FAM169A: variants seen among roughly 807,000 people sequenced by gnomAD.
The protein encoded by FAM169A is soluble lamin-associated protein of 75 kDa.
Under a neutral mutation model 75.7 loss-of-function variants are expected in FAM169A, and 24 were observed. That is an observed-to-expected ratio of 0.32 (90% CI 0.23 to 0.45). The LOEUF (loss-of-function observed/expected upper bound fraction) is 0.45, where lower values mean the gene tolerates loss of function less well. FAM169A is among the 20% of genes least tolerant of loss of function. FAM169A has a pLI of 1.00. For synonymous variants in FAM169A, 271 were observed against 271.0 expected (o/e 1.00, Z 0.00); for missense variants, 673 against 784.0 (o/e 0.86, Z 1.69).
chr5:74,790,576 C>G (rs760575067), intron 11 of FAM169A, among the ~76,000 whole-genome samples: 3 of 152,146 alleles, frequency 2.0e-5, no homozygotes, highest in Non-Finnish European at 2.9e-5. Flanking sequence ...GTGACCTGAG[C>G]AGAGGAGGAT....
At chr5:74,860,646 T>G (rs951235568) in intron 1 of FAM169A, among the ~76,000 whole-genome samples, 1 of 151,940 alleles carries the variant, frequency 6.6e-6, no homozygotes, top group Non-Finnish European at 1.5e-5. Flanking sequence ...GTGTATATAT[T>G]TGGTAAATGG....
At chr5:74,819,815 T>C (rs1747679202) in intron 5 of FAM169A, among the ~76,000 whole-genome samples, 1 of 152,120 alleles carries the variant, frequency 6.6e-6, no homozygotes, top group Non-Finnish European at 1.5e-5. Flanking sequence ...AAGTCACATA[T>C]TATTCATATA....
rs1209446251 is a variant in FAM169A, at chr5:74,783,143, T to C, written c.1261-9A>G. ...GGCTCTAATTCAGATTCCTACACCA[T>C]GAGGAGAGAGGGAAAAAGTAAGGAC... is the stretch of plus-strand genomic sequence containing the variant. On this transcript the variant is annotated splice_polypyrimidine_tract_variant and intron_variant, in intron 11 of 12. Coordinates refer to ENST00000687041, the MANE Select transcript of FAM169A (RefSeq NM_001376049.1). The C allele has an allele frequency of 6.3e-7, 1 of 1,593,102 alleles. No individual in the cohort carries two copies. Among genetic ancestry groups the C allele is most frequent in the Admixed American group, 1.7e-5 (1 of 58,060 alleles).
chr5:74,837,006 T>G (rs750549212), intron 4 of FAM169A, among the ~76,000 whole-genome samples: 1 of 151,842 alleles, frequency 6.6e-6, no homozygotes. Context: ...AGAGTCCACA[T>G]AGTTGTAGTC....
intron 11 of FAM169A, among the ~76,000 whole-genome samples, chr5:74,793,044 A>G (rs1474168545): frequency 1.3e-5 from 2 of 152,230 alleles, no homozygotes; most frequent in Non-Finnish European, 2.9e-5. Flanking sequence ...TGGTATATAT[A>G]GGCCAGGCAC....
intron 10 of FAM169A, 92 bp from the exon 11 acceptor site, chr5:74,796,278 TCA>T: frequency 8.6e-7 from 1 of 1,160,158 alleles, no homozygotes; most frequent in South Asian, 1.6e-5. Flanking sequence ...TTTTAGAGAA[TCA>T]ACTATGTTGT....
rs1745232652 is a variant in FAM169A, at chr5:74,778,454, G to C, written c.*3006C>G. 6.6e-6 allele frequency: 1 copy of C among 151,996 alleles called. No homozygotes were observed. The highest frequency in any genetic ancestry group is 2.4e-5 in the African/African-American group (1 of 41,428). 9.4% of individuals were successfully genotyped at this position (151,996 alleles called of 1,614,324 possible). A position where few individuals can be genotyped will look rare whatever the true frequency, so the allele number is the denominator to read the frequency against. On this transcript the variant is annotated 3_prime_UTR_variant, in exon 13 of 13. Transcript: ENST00000687041. Reference sequence around the variant, plus strand: ...GATTTCTAGTCACTGAAACCCCATTGTAGGTAGTGTTCTGGAGTCTGCTAT... The same window carrying C: ...GATTTCTAGTCACTGAAACCCCATTCTAGGTAGTGTTCTGGAGTCTGCTAT...
Position 74,866,340 on chromosome 5 carries a change from T to C in FAM169A, c.-179A>G. The C allele has an allele frequency of 8.1e-6, 8 of 984,174 alleles. No individual in the cohort carries two copies. Among genetic ancestry groups the C allele is most frequent in the Middle Eastern group, 5.2e-4 (1 of 1,912 alleles). The allele number at this position is 984,174 out of a possible 1,614,324, so 61.0% of individuals were successfully genotyped here. A position where few individuals can be genotyped will look rare whatever the true frequency, so the allele number is the denominator to read the frequency against. On this transcript the variant is annotated 5_prime_UTR_variant, in exon 1 of 13. Coordinates refer to ENST00000687041, the MANE Select transcript of FAM169A (RefSeq NM_001376049.1). Reference sequence around the variant, plus strand: ...CTCGCCCCGGACGCCCGGCTCCTCGTCGCGGGTCGGCCGCGGCCCACCGTG... The same window carrying C: ...CTCGCCCCGGACGCCCGGCTCCTCGCCGCGGGTCGGCCGCGGCCCACCGTG...
intron 5 of FAM169A, among the ~76,000 whole-genome samples, chr5:74,814,680 A>G (rs1281193032): frequency 6.6e-6 from 1 of 152,154 alleles, no homozygotes; most frequent in African/African-American, 2.4e-5. Context: ...AAAAATTTGT[A>G]GTTTCTATAT....
chr5:74,782,996 A>C lies in FAM169A; in HGVS notation c.1399T>G (p.Ser467Ala), dbSNP rs1745488967. Residue 467 changes from serine to alanine, a missense_variant, in exon 12 of 13, where the codon TCT (serine) becomes GCT (alanine). Ser to Ala is a moderately conservative substitution (Grantham distance 99). This residue lies in a region of FAM169A where 510 missense variants were observed against 550.9 expected (regional missense o/e 0.93). Coordinates refer to ENST00000687041, the MANE Select transcript of FAM169A (RefSeq NM_001376049.1). Reference sequence around the variant, plus strand: ...ACCACCAGTGGAACAAGATTTGTAGAGTCTTCACTGGAATTAAAAGGCTGC... The same window carrying C: ...ACCACCAGTGGAACAAGATTTGTAGCGTCTTCACTGGAATTAAAAGGCTGC... ...KLQPFNSSED[S>A]TNLVPLVVES... 5 of 1,614,082 alleles carry C rather than the reference A, an allele frequency of 3.1e-6. No individual in the cohort carries two copies. The highest frequency in any genetic ancestry group is 1.7e-6 in the Non-Finnish European group (2 of 1,179,958).
chr5:74,843,738 A>T (rs372306327), intron 1 of FAM169A, among the ~76,000 whole-genome samples: 1 of 152,262 alleles, frequency 6.6e-6, no homozygotes, highest in Non-Finnish European at 1.5e-5. Context: ...ACACTGTTGC[A>T]TCTATCAGTT....
At chr5:74,852,467 CTAAA>C (rs1255395880) in intron 1 of FAM169A, among the ~76,000 whole-genome samples, 4 of 152,006 alleles carry the variant, frequency 2.6e-5, no homozygotes, top group South Asian at 2.1e-4. Flanking sequence ...AGCATATTTA[CTAAA>C]TAAATGAATG....
chr5:74,866,410 T>A, upstream of FAM169A: 1 of 977,004 alleles, frequency 1.0e-6, no homozygotes, highest in Non-Finnish European at 1.2e-6. Flanking sequence ...CCTCCAGCCT[T>A]CGCTTCCGCT....
intron 3 of FAM169A, among the ~76,000 whole-genome samples, chr5:74,839,716 G>T (rs1230967053): frequency 6.6e-6 from 1 of 151,716 alleles, no homozygotes; most frequent in Admixed American, 6.6e-5. Flanking sequence ...TAGAGACAGG[G>T]TTTCACCATG....
chr5:74,799,195 G>A lies in FAM169A; in HGVS notation c.1103+1685C>T, dbSNP rs76334782. Reference sequence around the variant, plus strand: ...CTGGGCTCCCAAGCATGACCACATCGTCACTTGTGGGGCAGACCACAATGC... The same window carrying A: ...CTGGGCTCCCAAGCATGACCACATCATCACTTGTGGGGCAGACCACAATGC... On this transcript the variant is annotated intron_variant, in intron 10 of 12. Transcript: ENST00000687041. 3.9e-3 allele frequency: 4,834 copies of A among 1,226,600 alleles called. 13 individuals carry two copies. Among genetic ancestry groups the A allele is most frequent in the Non-Finnish European group, 4.8e-3 (4,006 of 826,470 alleles). 76.0% of individuals were successfully genotyped at this position (1,226,600 alleles called of 1,614,324 possible).
chr5:74,832,913 TA>T (rs1365908764), intron 5 of FAM169A, among the ~76,000 whole-genome samples: 1 of 151,910 alleles, frequency 6.6e-6, no homozygotes, highest in Non-Finnish European at 1.5e-5. Context: ...TGGAAGGGAC[TA>T]AAAGTGGCAG....
At chr5:74,836,105 A>G (rs898834811) in intron 4 of FAM169A, among the ~76,000 whole-genome samples, 2 of 152,160 alleles carry the variant, frequency 1.3e-5, no homozygotes, top group Admixed American at 1.3e-4. Context: ...TCATGAAGAT[A>G]TTTTGAAGGT....
intron 1 of FAM169A, among the ~76,000 whole-genome samples, chr5:74,842,046 C>A (rs1374104751): frequency 6.6e-6 from 1 of 151,590 alleles, no homozygotes; most frequent in African/African-American, 2.4e-5. Flanking sequence ...GACACGAGAA[C>A]TTGTTGGAAT....
intron 10 of FAM169A, 45 bp downstream of exon 10, chr5:74,800,835 T>C: frequency 8.9e-7 from 1 of 1,126,504 alleles, no homozygotes; most frequent in Non-Finnish European, 1.2e-6. Context: ...AAACAAAAAA[T>C]AAAAGTACAA....
Sources: allele counts gnomAD v4.1 joint callset (sites outside exome capture counted in the v4.1 genomes callset), GRCh38; gene constraint gnomAD v4.1.1; regional missense constraint gnomAD v4.1.1; transcripts MANE v1.5; gene names NCBI Gene and HGNC (gene_info 2026-07-23, HGNC 2026-07-21).